The following MIPOL1 variants were observed in gnomAD, a reference collection of about 807,000 sequenced individuals.
MIPOL1 encodes the protein mirror-image polydactyly gene 1 protein.
In MIPOL1, 57 loss-of-function variants were observed where a neutral mutation model predicts 60.9. The ratio of observed to expected loss-of-function variants is 0.94; its 90% CI spans 0.76 to 1.17. The LOEUF (loss-of-function observed/expected upper bound fraction) is 1.17. MIPOL1 is among the 50% of genes most tolerant of loss of function. MIPOL1 has a pLI of 0.00. For synonymous variants in MIPOL1, 179 were observed against 168.8 expected (o/e 1.06, Z -0.47); for missense variants, 551 against 511.6 (o/e 1.08, Z -0.74).
chr14:37,285,452 G>T lies in MIPOL1; in HGVS notation c.623+5G>T, dbSNP rs760115916. The T allele has an allele frequency of 6.8e-6, 11 of 1,612,634 alleles. No individual in the cohort carries two copies. In the South Asian group the frequency reaches 1.2e-4, roughly 18 times the overall value. ...TATGGAAATGTCTCTAAAAGTGTAT[G>T]TACACATTTAAAACTCAGTATGATA... is the stretch of plus-strand genomic sequence containing the variant. On this transcript the variant is annotated splice_donor_5th_base_variant and intron_variant, in intron 7 of 12. Coordinates refer to ENST00000684589, the MANE Select transcript of MIPOL1 (RefSeq NM_001388067.1).
chr14:37,357,214 C>A (rs1047230806), intron 9 of MIPOL1, among the ~76,000 whole-genome samples: 1 of 152,314 alleles, frequency 6.6e-6, no homozygotes, highest in East Asian at 1.9e-4. Context: ...TACTAACTTA[C>A]ATTCTCACCA....
At chr14:37,372,888 T>C (rs566860815) in intron 10 of MIPOL1, among the ~76,000 whole-genome samples, 1 of 104,252 alleles carries the variant, frequency 9.6e-6, no homozygotes, top group South Asian at 4.0e-4. Flanking sequence ...CTAGTATATA[T>C]TCTGAAAGTT....
chr14:37,205,741 A>G (rs1047259064), intron 1 of MIPOL1, among the ~76,000 whole-genome samples: 5 of 152,070 alleles, frequency 3.3e-5, no homozygotes, highest in Admixed American at 2.0e-4. Flanking sequence ...TCCTTGTGAT[A>G]GTTTGCTCAG....
chr14:37,257,941 A>G (rs966169874), intron 3 of MIPOL1, among the ~76,000 whole-genome samples: 1 of 152,138 alleles, frequency 6.6e-6, no homozygotes, highest in African/African-American at 2.4e-5. Context: ...GACCTCCCTG[A>G]TCTTCTCCAG....
intron 11 of MIPOL1, among the ~76,000 whole-genome samples, chr14:37,469,177 G>A (rs1049962422): frequency 3.3e-5 from 5 of 152,168 alleles, no homozygotes; most frequent in African/African-American, 1.2e-4. Flanking sequence ...TATAAAAAAA[G>A]GAGGTTTAAT....
intron 3 of MIPOL1, among the ~76,000 whole-genome samples, chr14:37,256,072 G>A (rs1025527088): frequency 1.3e-5 from 2 of 151,746 alleles, no homozygotes; most frequent in African/African-American, 2.4e-5. Flanking sequence ...TTGATACACT[G>A]TAAAATTAAC....
chr14:37,432,605 A>T (rs886919379), intron 11 of MIPOL1, among the ~76,000 whole-genome samples: 1 of 152,016 alleles, frequency 6.6e-6, no homozygotes, highest in African/African-American at 2.4e-5. Flanking sequence ...TACCAAAAAA[A>T]TTTCTTTTTT....
At chr14:37,375,448 G>A (rs1245590465) in intron 10 of MIPOL1, among the ~76,000 whole-genome samples, 1 of 152,000 alleles carries the variant, frequency 6.6e-6, no homozygotes, top group African/African-American at 2.4e-5. Context: ...ACCTCCCACA[G>A]TGCGGGGATT....
At chr14:37,323,827 C>T (rs531818434) in intron 9 of MIPOL1, among the ~76,000 whole-genome samples, 8 of 152,014 alleles carry the variant, frequency 5.3e-5, no homozygotes, top group Admixed American at 2.0e-4. Flanking sequence ...ATTTGTTTTG[C>T]TTCTTCTAGA....
At chr14:37,219,334 A>G (rs1294454292) in intron 1 of MIPOL1, among the ~76,000 whole-genome samples, 2 of 152,318 alleles carry the variant, frequency 1.3e-5, no homozygotes, top group East Asian at 3.9e-4. Flanking sequence ...GAGCCTCATT[A>G]AAGTTTGGTC....
intron 11 of MIPOL1, among the ~76,000 whole-genome samples, chr14:37,494,496 C>G (rs1025056150): frequency 2.6e-5 from 4 of 152,234 alleles, no homozygotes; most frequent in African/African-American, 9.6e-5. Context: ...GCAGAAAAAA[C>G]TTGACACGCT....
At chr14:37,387,088 T>A (rs2093092882) in intron 10 of MIPOL1, among the ~76,000 whole-genome samples, 1 of 151,882 alleles carries the variant, frequency 6.6e-6, no homozygotes, top group African/African-American at 2.4e-5. Context: ...GGTGTTGATA[T>A]CCATCTAGGT....
chr14:37,388,674 C>T (rs973670126), intron 10 of MIPOL1, among the ~76,000 whole-genome samples: 3 of 151,918 alleles, frequency 2.0e-5, no homozygotes, highest in African/African-American at 4.8e-5. Flanking sequence ...CAAACAACCA[C>T]TCATCTGCTT....
intron 10 of MIPOL1, among the ~76,000 whole-genome samples, chr14:37,387,390 A>G (rs2093103265): frequency 6.6e-6 from 1 of 151,954 alleles, no homozygotes; most frequent in Non-Finnish European, 1.5e-5. Context: ...ACTACTAAGG[A>G]AACAATAATT....
chr14:37,509,176 C>A (rs1270770919), intron 12 of MIPOL1, among the ~76,000 whole-genome samples: 3 of 152,026 alleles, frequency 2.0e-5, no homozygotes, highest in Non-Finnish European at 2.9e-5. Context: ...TTAGTACTCA[C>A]CTGTCCCCTG....
intron 6 of MIPOL1, among the ~76,000 whole-genome samples, chr14:37,271,526 A>G (rs1010170039): frequency 6.6e-6 from 1 of 151,924 alleles, no homozygotes; most frequent in Admixed American, 6.6e-5. Flanking sequence ...TATAACAAAG[A>G]TGACCATAAA....
chr14:37,307,489 T>A (rs2086885364), intron 7 of MIPOL1, among the ~76,000 whole-genome samples: 1 of 152,012 alleles, frequency 6.6e-6, no homozygotes, highest in South Asian at 2.1e-4. Flanking sequence ...CGAATAATTC[T>A]ACATATATTA....
Position 37,282,233 on chromosome 14 carries a change from C to A in MIPOL1, c.494-3085C>A, listed in dbSNP as rs1466235086. On this transcript the variant is annotated intron_variant, in intron 6 of 12. Transcript: ENST00000684589. Reference sequence around the variant, plus strand: ...TTGAGGCCCTCTTTGTCTAATATTGCAGTAATATTATTATTATTATTATTA... The same window carrying A: ...TTGAGGCCCTCTTTGTCTAATATTGAAGTAATATTATTATTATTATTATTA... Among the ~76,000 whole-genome samples the A allele has an allele frequency of 2.3e-4, 14 of 59,578 alleles. No homozygotes were observed. The Admixed American group carries it at 2.6e-3, about 11-fold the overall frequency. 39.1% of individuals were successfully genotyped at this position (59,578 alleles called of 152,430 possible).
chr14:37,546,836 A>ATG (rs2095549262), intron 12 of MIPOL1, 69 bp from the exon 13 acceptor site: 1 of 1,253,060 alleles, frequency 8.0e-7, no homozygotes, highest in Non-Finnish European at 1.2e-6. Flanking sequence ...GTCCTTTATC[A>ATG]GCCAGGACAT....
Sources: gnomAD v4.1 joint callset for allele counts (sites outside exome capture counted in the v4.1 genomes callset) on GRCh38, gnomAD v4.1.1 for gene constraint, MANE v1.5 for transcripts, NCBI Gene and HGNC (gene_info 2026-07-23, HGNC 2026-07-21) for gene names.